The following MAP2K3 variants were observed in gnomAD, a reference collection of about 807,000 sequenced individuals.
MAP2K3 encodes dual specificity mitogen-activated protein kinase kinase 3.
Under a neutral mutation model 46.4 loss-of-function variants are expected in MAP2K3, and 30 were observed. The observed-to-expected ratio is 0.65, with a 90% CI of 0.48 to 0.88. MAP2K3 has a LOEUF of 0.88. Ranked by LOEUF, MAP2K3 falls within the 40% of genes least tolerant of loss-of-function variation. The probability of loss-of-function intolerance (pLI) is 0.00; values close to 1 mark genes in which losing one functional copy is unlikely to be tolerated. For missense variants in MAP2K3, 380 were observed against 464.5 expected (o/e 0.82, Z 1.67); for synonymous variants, 189 against 176.3 (o/e 1.07, Z -0.57).
chr17:21,303,177 C>T lies in MAP2K3; in HGVS notation c.517-6C>T, dbSNP rs781698021. The T allele has an allele frequency of 2.2e-5, 36 of 1,614,220 alleles. No homozygotes were observed. Among genetic ancestry groups the T allele is most frequent in the African/African-American group, 5.3e-5 (4 of 75,086 alleles). ...GTCTCTTCCCTCCTCCCCACCCCAC[C>T]GCCAGATCGTGCGGGCCCTGGAGCA... is the stretch of plus-strand genomic sequence containing the variant. On this transcript the variant is annotated splice_polypyrimidine_tract_variant and splice_region_variant and intron_variant, in intron 6 of 11. Coordinates refer to ENST00000342679, the MANE Select transcript of MAP2K3 (RefSeq NM_145109.3).
intron 7 of MAP2K3, 85 bp from the exon 8 acceptor site, chr17:21,304,341 G>A: frequency 6.2e-7 from 1 of 1,604,940 alleles, no homozygotes; most frequent in Non-Finnish European, 8.5e-7. Context: ...CTTGGGCGAG[G>A]GAGGGGGGCA....
At chr17:21,285,440 C>T (rs537235185) in intron 1 of MAP2K3, 18 of 236,418 alleles carry the variant, frequency 7.6e-5, no homozygotes, top group South Asian at 1.5e-4. Context: ...TCCATCTGGG[C>T]CCCAGAGTGC....
intron 1 of MAP2K3, among the ~76,000 whole-genome samples, chr17:21,292,659 G>C (rs1203751435): frequency 2.0e-5 from 3 of 152,304 alleles, no homozygotes; most frequent in African/African-American, 7.2e-5. Context: ...GCTAATTTTT[G>C]TATTTTTAGT....
intron 1 of MAP2K3, 75 bp downstream of exon 1, chr17:21,285,044 T>C: frequency 5.2e-6 from 8 of 1,541,518 alleles, no homozygotes; most frequent in Admixed American, 3.9e-5. Context: ...CCGACCTTTC[T>C]TTGGTCCCAC....
intron 1 of MAP2K3, among the ~76,000 whole-genome samples, chr17:21,294,845 G>A (rs2144511787): frequency 1.3e-5 from 2 of 152,430 alleles, no homozygotes; most frequent in East Asian, 3.8e-4. Flanking sequence ...CATATGTCCA[G>A]AGAGGTGAAG....
chr17:21,303,912 T>C (rs1976742898), intron 7 of MAP2K3, among the ~76,000 whole-genome samples: 1 of 152,312 alleles, frequency 6.6e-6, no homozygotes, highest in Non-Finnish European at 1.5e-5. Context: ...TTTCCATCTT[T>C]ACACACATCC....
chr17:21,298,591 C>A (rs1976402085), intron 2 of MAP2K3, 112 bp downstream of exon 2: 6 of 1,552,328 alleles, frequency 3.9e-6, no homozygotes, highest in Non-Finnish European at 5.3e-6. Flanking sequence ...TCGTCCTGTC[C>A]TGGGCAGCCC....
chr17:21,298,218 C>G (rs911417717), intron 1 of MAP2K3, 195 bp from the exon 2 acceptor site: 9 of 815,888 alleles, frequency 1.1e-5, no homozygotes, highest in Non-Finnish European at 1.7e-5. Context: ...CTGTCCTGCT[C>G]TGCTCCCCTG....
chr17:21,287,479 T>C (rs915151219), intron 1 of MAP2K3, among the ~76,000 whole-genome samples: 1 of 152,256 alleles, frequency 6.6e-6, no homozygotes, highest in African/African-American at 2.4e-5. Flanking sequence ...TGGCTGGCGC[T>C]TGACCTTACT....
chr17:21,292,917 A>T (rs1976024200), intron 1 of MAP2K3, among the ~76,000 whole-genome samples: 1 of 152,298 alleles, frequency 6.6e-6, no homozygotes, highest in African/African-American at 2.4e-5. Flanking sequence ...CAGCCTTTTG[A>T]TTCTATAAAC....
intron 9 of MAP2K3, among the ~76,000 whole-genome samples, chr17:21,310,042 G>A (rs1348419413): frequency 1.4e-5 from 2 of 147,486 alleles, no homozygotes; most frequent in African/African-American, 5.0e-5. Flanking sequence ...TTTTGCTCTT[G>A]GTGCCCAGGC....
chr17:21,296,127 C>T (rs1474353246), intron 1 of MAP2K3: 28 of 1,289,464 alleles, frequency 2.2e-5, no homozygotes, highest in Non-Finnish European at 2.7e-5. Context: ...TGGGCCACAA[C>T]AGGTCCCCAT....
intron 1 of MAP2K3, among the ~76,000 whole-genome samples, chr17:21,294,599 C>G (rs897549036): frequency 6.6e-6 from 1 of 152,310 alleles, no homozygotes; most frequent in Non-Finnish European, 1.5e-5. Context: ...AGACGCCCAC[C>G]GTGTGGCCTC....
At chr17:21,293,837 T>C (rs1257156795) in intron 1 of MAP2K3, among the ~76,000 whole-genome samples, 1 of 152,310 alleles carries the variant, frequency 6.6e-6, no homozygotes, top group Non-Finnish European at 1.5e-5. Flanking sequence ...GAGCAGGCAC[T>C]TGGTTAGATG....
At chr17:21,291,998 G>A (rs1350993156) in intron 1 of MAP2K3, among the ~76,000 whole-genome samples, 2 of 152,310 alleles carry the variant, frequency 1.3e-5, no homozygotes, top group Non-Finnish European at 2.9e-5. Flanking sequence ...CCGACGCTGT[G>A]GTGGTTTCTC....
At chr17:21,293,943 C>A (rs1976091404) in intron 1 of MAP2K3, among the ~76,000 whole-genome samples, 1 of 152,306 alleles carries the variant, frequency 6.6e-6, no homozygotes, top group Admixed American at 6.5e-5. Flanking sequence ...TGCATGGCCA[C>A]CCCCTGCTGC....
intron 9 of MAP2K3, among the ~76,000 whole-genome samples, chr17:21,309,763 G>A (rs111367899): frequency 0.027 from 4,096 of 151,746 alleles, 96 homozygotes; most frequent in South Asian, 0.077. Flanking sequence ...ACAGGCGTGC[G>A]CCACCATGCC....
rs760802049 is a variant in MAP2K3 at position 21,298,455 on chromosome 17, C to T, written c.92C>T (p.Ser31Phe). The stretch of plus-strand genomic sequence containing the variant: ...AAGGATCTACGGATATCCTGCATGT[C>T]CAAGCCACCCGCACCCAACCCCACG... ...RKKDLRISCM[S>F]KPPAPNPTPP... is the part of the protein sequence containing the mutation. The change falls in exon 2 of 12, where the codon TCC (serine) becomes TTC (phenylalanine). Residue 31 changes from serine (S) to phenylalanine (F), a missense_variant. This residue lies in a region of MAP2K3 where 294 missense variants were observed against 275.4 expected (regional missense o/e 1.07). Coordinates refer to ENST00000342679, the MANE Select transcript of MAP2K3 (RefSeq NM_145109.3). 2 of 1,614,320 alleles carry T rather than the reference C, an allele frequency of 1.2e-6. No individual in the cohort carries two copies. Among genetic ancestry groups the T allele is most frequent in the Non-Finnish European group, 1.7e-6 (2 of 1,180,060 alleles).
intron 7 of MAP2K3, among the ~76,000 whole-genome samples, chr17:21,304,119 C>T (rs541358826): frequency 2.6e-5 from 4 of 152,430 alleles, no homozygotes; most frequent in African/African-American, 9.6e-5. Context: ...GTCTGGAGGG[C>T]GGATGCAGGC....
Sources: gnomAD v4.1 joint callset for allele counts (sites outside exome capture counted in the v4.1 genomes callset) on GRCh38, gnomAD v4.1.1 for gene constraint, gnomAD v4.1.1 regional missense constraint, MANE v1.5 for transcripts, NCBI Gene and HGNC (gene_info 2026-07-23, HGNC 2026-07-21) for gene names.